SHISA6: variants seen among roughly 807,000 people sequenced by gnomAD.
The protein encoded by SHISA6 is shisa family member 6, also known as protein shisa-6.
Under a neutral mutation model 47.9 loss-of-function variants are expected in SHISA6, and 22 were observed. The ratio of observed to expected loss-of-function variants is 0.46; its 90% CI spans 0.33 to 0.66. SHISA6 has a LOEUF of 0.66. Among genes scored for constraint, SHISA6 ranks in the 30% least tolerant of loss-of-function variants. The pLI is 0.02. For missense variants in SHISA6, 680 were observed against 764.6 expected, an observed-to-expected ratio of 0.89 and a Z score of 1.30; for synonymous variants, 388 against 337.8, an observed-to-expected ratio of 1.15 and a Z score of -1.63.
intron 2 of SHISA6, among the ~76,000 whole-genome samples, chr17:11,271,268 G>A (rs543379030): frequency 3.3e-5 from 5 of 152,224 alleles, no homozygotes; most frequent in Admixed American, 1.3e-4. Flanking sequence ...CCTCAGCCAT[G>A]ACCTTCTCAG....
chr17:11,383,484 G>A (rs973266866), intron 3 of SHISA6, among the ~76,000 whole-genome samples: 6 of 152,042 alleles, frequency 3.9e-5, no homozygotes, highest in Admixed American at 3.3e-4. Flanking sequence ...CTGCCTGTGG[G>A]AGCTCCATAT....
intron 3 of SHISA6, among the ~76,000 whole-genome samples, chr17:11,402,223 T>C (rs1306218054): frequency 6.6e-6 from 1 of 152,202 alleles, no homozygotes. Flanking sequence ...CAAATGGGTG[T>C]TGGGGAATAT....
At chr17:11,493,383 C>G (rs763371075) in intron 3 of SHISA6, among the ~76,000 whole-genome samples, 1 of 152,046 alleles carries the variant, frequency 6.6e-6, no homozygotes, top group African/African-American at 2.4e-5. Context: ...CATGCCACCA[C>G]GCTCAGCTAA....
intron 2 of SHISA6, among the ~76,000 whole-genome samples, chr17:11,358,045 C>T (rs752762009): frequency 1.3e-5 from 2 of 152,098 alleles, no homozygotes; most frequent in Non-Finnish European, 2.9e-5. Flanking sequence ...GTAAAATATA[C>T]ATAACATAAA....
chr17:11,380,818 C>T (rs205050), intron 3 of SHISA6, among the ~76,000 whole-genome samples: 1,538 of 152,232 alleles, frequency 0.01, 12 homozygotes, highest in Non-Finnish European at 0.016. Context: ...GAGGATCTGC[C>T]TCCAAGACGC....
chr17:11,510,928 C>T (rs549991845), intron 3 of SHISA6, among the ~76,000 whole-genome samples: 1 of 152,056 alleles, frequency 6.6e-6, no homozygotes, highest in African/African-American at 2.4e-5. Flanking sequence ...GGGTTCAGAC[C>T]CCAGTTCTGC....
chr17:11,265,438 T>TG (rs1307614283), intron 2 of SHISA6, among the ~76,000 whole-genome samples: 1 of 152,054 alleles, frequency 6.6e-6, no homozygotes, highest in Non-Finnish European at 1.5e-5. Flanking sequence ...TGGAGGTGGG[T>TG]GGGGGCTGGT....
intron 3 of SHISA6, among the ~76,000 whole-genome samples, chr17:11,524,738 A>G (rs567985132): frequency 6.6e-6 from 1 of 152,230 alleles, no homozygotes; most frequent in African/African-American, 2.4e-5. Flanking sequence ...ACCTCAGGTG[A>G]TCCACCCGCC....
intron 3 of SHISA6, among the ~76,000 whole-genome samples, chr17:11,444,924 C>G (rs534677472): frequency 6.6e-6 from 1 of 152,284 alleles, no homozygotes; most frequent in Non-Finnish European, 1.5e-5. Context: ...GAGGAGATCA[C>G]AATTTTCTTG....
intron 3 of SHISA6, among the ~76,000 whole-genome samples, chr17:11,406,442 G>C (rs995478373): frequency 2.0e-5 from 3 of 152,192 alleles, no homozygotes; most frequent in African/African-American, 7.2e-5. Context: ...GAAATGGCTG[G>C]TTCCCACTTG....
chr17:11,534,404 G>C lies in SHISA6; in HGVS notation c.896-17492G>C, dbSNP rs564113554. ...TGCCTTCATATCTCCCCAAGTGCCC[G>C]GCATAATGGCCATATTTATCCACTC... On this transcript the variant is annotated intron_variant, in intron 3 of 5. Transcript: ENST00000441885. 8.5e-5 allele frequency among the ~76,000 whole-genome samples: 13 copies of C among 152,136 alleles called. No individual in the cohort carries two copies. The South Asian group carries it at 2.7e-3, about 32-fold the overall frequency.
chr17:11,433,792 C>T (rs1247158961), intron 3 of SHISA6, among the ~76,000 whole-genome samples: 3 of 152,118 alleles, frequency 2.0e-5, no homozygotes, highest in Admixed American at 2.0e-4. Flanking sequence ...GACATTCACC[C>T]ATCCTTGTTC....
chr17:11,471,551 C>T (rs1380627445), intron 3 of SHISA6, among the ~76,000 whole-genome samples: 1 of 152,176 alleles, frequency 6.6e-6, no homozygotes. Flanking sequence ...TGTGTCAGAT[C>T]AAATGTCATC....
At chr17:11,406,703 A>G (rs1401767634) in intron 3 of SHISA6, among the ~76,000 whole-genome samples, 1 of 152,170 alleles carries the variant, frequency 6.6e-6, no homozygotes, top group Non-Finnish European at 1.5e-5. Context: ...AGCAGGTTAC[A>G]TGACATTTTA....
intron 2 of SHISA6, among the ~76,000 whole-genome samples, chr17:11,325,835 C>A (rs1267503098): frequency 6.6e-6 from 1 of 152,132 alleles, no homozygotes. Context: ...GTCTTTCCTG[C>A]TTTGAAAGCC....
chr17:11,381,386 A>G (rs977224992), intron 3 of SHISA6, among the ~76,000 whole-genome samples: 5 of 152,232 alleles, frequency 3.3e-5, no homozygotes, highest in Non-Finnish European at 5.9e-5. Flanking sequence ...GAGTTTATGG[A>G]GTTCCTTACA....
chr17:11,428,210 T>C (rs1914655603), intron 3 of SHISA6, among the ~76,000 whole-genome samples: 1 of 152,176 alleles, frequency 6.6e-6, no homozygotes, highest in African/African-American at 2.4e-5. Context: ...CGCAGTTAAT[T>C]AGTGATGGGA....
chr17:11,479,327 G>A (rs1411889445), intron 3 of SHISA6, among the ~76,000 whole-genome samples: 1 of 152,134 alleles, frequency 6.6e-6, no homozygotes, highest in Non-Finnish European at 1.5e-5. Flanking sequence ...GGATGAAGCT[G>A]GAAGTCATCA....
intron 2 of SHISA6, among the ~76,000 whole-genome samples, chr17:11,299,336 A>G (rs868531943): frequency 3.4e-4 from 52 of 152,240 alleles, no homozygotes; most frequent in African/African-American, 1.2e-3. Context: ...TGAAAGCTCC[A>G]TCAGAGGTAG....
Sources: allele counts gnomAD v4.1 joint callset (sites outside exome capture counted in the v4.1 genomes callset), GRCh38; gene constraint gnomAD v4.1.1; transcripts MANE v1.5; gene names NCBI Gene and HGNC (gene_info 2026-07-23, HGNC 2026-07-21).